Variants in ZNRF2 observed in about 807,000 individuals in gnomAD.
ZNRF2 encodes E3 ubiquitin-protein ligase ZNRF2.
Under a neutral mutation model 20.4 loss-of-function variants are expected in ZNRF2, and 16 were observed. The ratio of observed to expected loss-of-function variants is 0.79; its 90% CI spans 0.53 to 1.19. The LOEUF (loss-of-function observed/expected upper bound fraction) is 1.19. ZNRF2 is among the 50% of genes most tolerant of loss of function. The probability of loss-of-function intolerance (pLI) is 0.00; values close to 1 mark genes in which losing one functional copy is unlikely to be tolerated. For synonymous variants in ZNRF2, 178 were observed against 144.9 expected (o/e 1.23, Z -1.64); for missense variants, 363 against 332.4 (o/e 1.09, Z -0.72).
rs569983964 is a variant in ZNRF2, at chr7:30,359,396, G to A, written c.672-2981G>A. Among the ~76,000 whole-genome samples, 19 of 152,262 alleles carry A rather than the reference G, an allele frequency of 1.2e-4. No individual in the cohort carries two copies. The South Asian group carries it at 3.9e-3, about 32-fold the overall frequency. On this transcript the variant is annotated intron_variant, in intron 3 of 4. Coordinates refer to ENST00000323037, the MANE Select transcript of ZNRF2 (RefSeq NM_147128.4). ...ACATAATAAAAGAGGTTTGGTATTG[G>A]AAATAGCGTTCTCCCTCTATGACTT...
chr7:30,289,650 T>C (rs180978059), intron 1 of ZNRF2: 92 of 357,310 alleles, frequency 2.6e-4, no homozygotes, highest in African/African-American at 1.8e-3. Context: ...CATGTTTTGC[T>C]GTGTGTAAGT....
intron 1 of ZNRF2, among the ~76,000 whole-genome samples, chr7:30,286,166 T>G (rs1482600121): frequency 6.6e-6 from 1 of 152,230 alleles, no homozygotes; most frequent in East Asian, 1.9e-4. Flanking sequence ...TGGTTTTTAG[T>G]ACCAGGAAGT....
intron 1 of ZNRF2, among the ~76,000 whole-genome samples, chr7:30,303,325 C>T (rs1003939087): frequency 1.3e-5 from 2 of 151,692 alleles, no homozygotes; most frequent in African/African-American, 2.4e-5. Context: ...CAGTATCTCC[C>T]GAATTAATTT....
chr7:30,327,403 A>G (rs1429099573), intron 2 of ZNRF2, among the ~76,000 whole-genome samples: 1 of 152,032 alleles, frequency 6.6e-6, no homozygotes, highest in Non-Finnish European at 1.5e-5. Context: ...TTGAATAGGG[A>G]ATCCTTTCCC....
chr7:30,312,278 C>G (rs1262378778), intron 1 of ZNRF2, among the ~76,000 whole-genome samples: 1 of 152,246 alleles, frequency 6.6e-6, no homozygotes, highest in Non-Finnish European at 1.5e-5. Flanking sequence ...ACTATGCCAG[C>G]CCTCTGAGGA....
chr7:30,299,776 CTTT>C (rs34591785), intron 1 of ZNRF2, among the ~76,000 whole-genome samples: 3 of 123,310 alleles, frequency 2.4e-5, no homozygotes, highest in African/African-American at 6.5e-5. Context: ...CTAAAACCTG[CTTT>C]TTTTTTTTTT....
At chr7:30,293,634 T>G (rs186226111) in intron 1 of ZNRF2, among the ~76,000 whole-genome samples, 133 of 152,334 alleles carry the variant, frequency 8.7e-4, no homozygotes, top group Admixed American at 1.6e-3. Flanking sequence ...AAATTGCTCA[T>G]TAGAGATGGA....
At chr7:30,322,816 G>A (rs1257914828) in intron 1 of ZNRF2, among the ~76,000 whole-genome samples, 2 of 152,152 alleles carry the variant, frequency 1.3e-5, no homozygotes, top group Non-Finnish European at 2.9e-5. Flanking sequence ...AGGGGAACAT[G>A]GTATATCTGA....
At chr7:30,362,559 A>G (rs1005484787) in intron 4 of ZNRF2, 103 bp downstream of exon 4, 8 of 579,206 alleles carry the variant, frequency 1.4e-5, no homozygotes, top group Non-Finnish European at 2.1e-5. Flanking sequence ...ATGAGTGTGT[A>G]TGTGTATGTT....
chr7:30,310,853 CCCTGT>C (rs70980596), intron 1 of ZNRF2, among the ~76,000 whole-genome samples: 100 of 151,346 alleles, frequency 6.6e-4, no homozygotes, highest in Middle Eastern at 6.8e-3. Flanking sequence ...ACATCTGAGC[CCCTGT>C]CCTGTCCTGT....
At chr7:30,354,659 C>T (rs1037824698) in intron 2 of ZNRF2, among the ~76,000 whole-genome samples, 6 of 152,102 alleles carry the variant, frequency 3.9e-5, no homozygotes, top group African/African-American at 1.2e-4. Flanking sequence ...TCAGAATTTA[C>T]GTAGAGATTG....
chr7:30,353,273 G>A (rs534679727), intron 2 of ZNRF2, among the ~76,000 whole-genome samples: 62 of 152,182 alleles, frequency 4.1e-4, no homozygotes, highest in Non-Finnish European at 7.2e-4. Flanking sequence ...TCTGAGCAGA[G>A]ATTATGTCAC....
intron 2 of ZNRF2, among the ~76,000 whole-genome samples, chr7:30,348,779 T>C (rs1799918896): frequency 1.3e-5 from 2 of 152,158 alleles, no homozygotes; most frequent in East Asian, 1.9e-4. Flanking sequence ...TTTTTTCTTA[T>C]AAAATAGTTA....
intron 2 of ZNRF2, among the ~76,000 whole-genome samples, chr7:30,335,657 TA>T (rs1433499272): frequency 6.6e-6 from 1 of 152,106 alleles, no homozygotes; most frequent in Non-Finnish European, 1.5e-5. Context: ...AGGCCACGTT[TA>T]GAGATAACTA....
At chr7:30,300,154 T>TC (rs2128057456) in intron 1 of ZNRF2, among the ~76,000 whole-genome samples, 1 of 149,960 alleles carries the variant, frequency 6.7e-6, no homozygotes, top group East Asian at 1.9e-4. Context: ...AAGTCTTTTT[T>TC]TTTTTTTTTT....
At chr7:30,285,879 G>A in intron 1 of ZNRF2, 53 bp downstream of exon 1, 2 of 1,388,062 alleles carry the variant, frequency 1.4e-6, no homozygotes, top group South Asian at 3.4e-5. Flanking sequence ...GCTGCACGTG[G>A]GCCGTGGCCG....
chr7:30,307,455 A>G (rs190357773), intron 1 of ZNRF2, among the ~76,000 whole-genome samples: 3 of 149,068 alleles, frequency 2.0e-5, no homozygotes, highest in African/African-American at 7.4e-5. Context: ...AAATTTTGCC[A>G]GGTAGATCTC....
chr7:30,310,853 CCCTGTCCTGTCCTGTCCTGT>C (rs70980596), intron 1 of ZNRF2, among the ~76,000 whole-genome samples: 1 of 151,230 alleles, frequency 6.6e-6, no homozygotes, highest in Non-Finnish European at 1.5e-5. Context: ...ACATCTGAGC[CCCTGTCCTGTCCTGTCCTGT>C]CCTGTCCTGT....
intron 2 of ZNRF2, among the ~76,000 whole-genome samples, chr7:30,335,108 T>C (rs1488870337): frequency 6.6e-6 from 1 of 152,174 alleles, no homozygotes; most frequent in Non-Finnish European, 1.5e-5. Flanking sequence ...TGAGGTTCTA[T>C]TTCTGATTTC....
Sources: gnomAD v4.1 joint callset for allele counts (sites outside exome capture counted in the v4.1 genomes callset) on GRCh38, gnomAD v4.1.1 for gene constraint, MANE v1.5 for transcripts, NCBI Gene and HGNC (gene_info 2026-07-23, HGNC 2026-07-21) for gene names.